The following DNM1 variants were observed in gnomAD, a reference collection of about 807,000 sequenced individuals.
DNM1 encodes the protein dynamin-1.
In DNM1, 29 loss-of-function variants were observed where a neutral mutation model predicts 104.6. The ratio of observed to expected loss-of-function variants is 0.28; its 90% CI spans 0.21 to 0.38. The LOEUF is 0.38. Among genes scored for constraint, DNM1 ranks in the 10% least tolerant of loss-of-function variants. The pLI, the probability that DNM1 is intolerant of heterozygous loss-of-function variation, is 1.00. For synonymous variants in DNM1, 445 were observed against 475.8 expected, an observed-to-expected ratio of 0.94 and a Z score of 0.84; for missense variants, 640 against 1,189.4, an observed-to-expected ratio of 0.54 and a Z score of 6.79.
Position 128,248,472 on chromosome 9 carries a change from C to T in DNM1, c.1906-111C>T. ...AGGTATGTATTCAGGCCAGTCGCTTCTCTCTGTGCCTCAATATTCTGGGTA... is the reference window on the plus strand; with the variant it reads ...AGGTATGTATTCAGGCCAGTCGCTTTTCTCTGTGCCTCAATATTCTGGGTA... On this transcript the variant is annotated intron_variant, in intron 18 of 21. Coordinates refer to ENST00000372923, the MANE Select transcript of DNM1 (RefSeq NM_004408.4). This position sits in a 1 kb window ranked among gnomAD's most constrained non-coding sequence, Gnocchi z 5.6. 1.5e-6 allele frequency: 2 copies of T among 1,307,614 alleles called. No homozygotes were observed. The highest frequency in any genetic ancestry group is 1.4e-5 in the South Asian group (1 of 71,738). 81.0% of individuals were successfully genotyped at this position (1,307,614 alleles called of 1,614,324 possible).
intron 10 of DNM1, 83 bp from the exon 11 acceptor site, chr9:128,233,938 G>A (rs545413137): frequency 6.6e-5 from 84 of 1,270,932 alleles, no homozygotes; most frequent in East Asian, 2.8e-4. Flanking sequence ...CCTGCGCCGC[G>A]GATCCCTGGA....
In DNM1 at chr9:128,235,299, G is replaced by T. The variant is rs560068329; in HGVS notation, c.1422+1192G>T. Among the ~76,000 whole-genome samples the T allele has an allele frequency of 4.6e-5, 7 of 152,122 alleles. No individual in the cohort carries two copies. The South Asian group carries it at 6.2e-4, about 14-fold the overall frequency. The stretch of plus-strand genomic sequence containing the variant: ...TCACGAGGTCAGGAGTTTGAGACCA[G>T]CCTGGCCAACATGGTGAAACCCCGT... On this transcript the variant is annotated intron_variant, in intron 11 of 21. Coordinates refer to ENST00000372923, the MANE Select transcript of DNM1 (RefSeq NM_004408.4).
At chr9:128,214,476 C>T (rs756731515) in intron 1 of DNM1, among the ~76,000 whole-genome samples, 117 of 152,192 alleles carry the variant, frequency 7.7e-4, no homozygotes, top group Non-Finnish European at 1.1e-3. Context: ...AAGCACGTTA[C>T]TTCCTGGGGT....
chr9:128,240,053 G>A lies in DNM1; in HGVS notation c.1557+57G>A, dbSNP rs375523356. On this transcript the variant is annotated intron_variant, in intron 14 of 21. Coordinates refer to ENST00000372923, the MANE Select transcript of DNM1 (RefSeq NM_004408.4). This position sits in a 1 kb window ranked among gnomAD's most constrained non-coding sequence, Gnocchi z 5.1. Reference sequence around the variant, plus strand: ...GTAGTGAGGGGGCGGAGGGTCCATCGGCAGTGGGGATCTGCAACGGGTAGG... The same window carrying A: ...GTAGTGAGGGGGCGGAGGGTCCATCAGCAGTGGGGATCTGCAACGGGTAGG... 2.1e-4 allele frequency: 329 copies of A among 1,603,206 alleles called. 2 individuals are homozygous for A. In the African/African-American group the frequency reaches 3.9e-3, roughly 19 times the overall value.
In DNM1 at chr9:128,242,393, G is replaced by A; in HGVS notation, c.1671+48G>A. The A allele has an allele frequency of 3.7e-6, 4 of 1,082,346 alleles. No individual in the cohort carries two copies. In the South Asian group the frequency reaches 5.0e-5, roughly 14 times the overall value. The allele number at this position is 1,082,346 out of a possible 1,614,324, so 67.0% of individuals were successfully genotyped here. On this transcript the variant is annotated intron_variant, in intron 15 of 21. Transcript: ENST00000372923. ...TCAAGGGGCTGGGCTGGTGGACAGA[G>A]TCAGGCTCAGACCCTCCCATGGGCT... is the stretch of plus-strand genomic sequence containing the variant.
At chr9:128,249,860 A>G (rs1829408030) in intron 19 of DNM1, among the ~76,000 whole-genome samples, 1 of 149,184 alleles carries the variant, frequency 6.7e-6, no homozygotes, top group Non-Finnish European at 1.5e-5. Flanking sequence ...TGAGTAGACA[A>G]GAGTTCTGGT....
chr9:128,216,392 A>G (rs771185606), intron 1 of DNM1, among the ~76,000 whole-genome samples: 1 of 152,178 alleles, frequency 6.6e-6, no homozygotes, highest in African/African-American at 2.4e-5. Flanking sequence ...CTGTAAAATG[A>G]TAATCTCTAT....
In DNM1 at chr9:128,224,236, G is replaced by A. The variant is rs534677463; in HGVS notation, c.1197-15G>A. The A allele has an allele frequency of 1.7e-5, 27 of 1,610,970 alleles. No homozygotes were observed. Among genetic ancestry groups the A allele is most frequent in the East Asian group, 4.5e-5 (2 of 44,832 alleles). On this transcript the variant is annotated splice_polypyrimidine_tract_variant and intron_variant, in intron 9 of 21. Transcript: ENST00000372923. This position sits in a 1 kb window ranked among gnomAD's most constrained non-coding sequence, Gnocchi z 4.3. The stretch of plus-strand genomic sequence containing the variant: ...GCCTGTGACACTCTGCCCTTCTCCC[G>A]CTCCGGGCGTTCAGAACGGGGCTGT...
intron 6 of DNM1, among the ~76,000 whole-genome samples, chr9:128,221,926 A>G (rs1052180491): frequency 6.6e-6 from 1 of 152,210 alleles, no homozygotes; most frequent in Non-Finnish European, 1.5e-5. Flanking sequence ...AAATAAAAAT[A>G]AAAAGATTAA....
Position 128,218,716 on chromosome 9 carries a change from G to A in DNM1, c.370G>A (p.Val124Ile). ...GISPVPINLR[V>I]YSPHVLNLTL... ...CTCGCCGGTGCCTATCAACCTCCGC[G>A]TCTACTCGCCGCACGGTGAGGACCC... The change falls in exon 3 of 22, where the codon GTC (valine) becomes ATC (isoleucine). Residue 124 changes from valine (V) to isoleucine (I), a missense_variant. Around this residue, in one of 7 missense-constraint regions of DNM1, gnomAD observed 172 missense variants for 335.3 expected, o/e 0.51. Coordinates refer to ENST00000372923, the MANE Select transcript of DNM1 (RefSeq NM_004408.4). This position sits in a 1 kb window ranked among gnomAD's most constrained non-coding sequence, Gnocchi z 4.8. 6.2e-7 allele frequency: 1 copy of A among 1,603,426 alleles called. No individual in the cohort carries two copies. Among genetic ancestry groups the A allele is most frequent in the Non-Finnish European group, 8.5e-7 (1 of 1,172,252 alleles).
Position 128,250,806 on chromosome 9 carries a change from T to C in DNM1, c.2400T>C (p.Pro800=). 7.5e-7 allele frequency: 1 copy of C among 1,340,536 alleles called. No individual in the cohort carries two copies. Among genetic ancestry groups the C allele is most frequent in the Non-Finnish European group, 9.5e-7 (1 of 1,057,026 alleles). 83.0% of individuals were successfully genotyped at this position (1,340,536 alleles called of 1,614,324 possible). A position where few individuals can be genotyped will look rare whatever the true frequency, so the allele number is the denominator to read the frequency against. The change falls in exon 21 of 22, where the codon CCT becomes CCC. Residue 800 remains proline, a synonymous_variant. Coordinates refer to ENST00000372923, the MANE Select transcript of DNM1 (RefSeq NM_004408.4). ...GGCCCGGGTCGCGGGGCCCTGCTCCTGGGCCTCCGCCTGCTGGGTCCGCCC... is the reference window on the plus strand; with the variant it reads ...GGCCCGGGTCGCGGGGCCCTGCTCCCGGGCCTCCGCCTGCTGGGTCCGCCC... ...PARPGSRGPA[P]GPPPAGSALG...
intron 12 of DNM1, 53 bp from the exon 13 acceptor site, chr9:128,239,675 G>A: frequency 1.3e-6 from 2 of 1,569,516 alleles, no homozygotes; most frequent in South Asian, 2.3e-5. Context: ...GCAGTGGGCA[G>A]TAGAGCTGGG....
At chr9:128,215,606 C>G (rs1001894366) in intron 1 of DNM1, among the ~76,000 whole-genome samples, 3 of 152,238 alleles carry the variant, frequency 2.0e-5, no homozygotes, top group Non-Finnish European at 4.4e-5. Flanking sequence ...GGCCCAGACC[C>G]TGACCACCCA....
rs1829756907 is a variant in DNM1, at chr9:128,254,855, T to C, written c.*141T>C. On this transcript the variant is annotated 3_prime_UTR_variant, in exon 22 of 22. Transcript: ENST00000372923. This position sits in a 1 kb window ranked among gnomAD's most constrained non-coding sequence, Gnocchi z 6.1. ...TCTGTTGTAGTGGTGAGCTGATACA[T>C]TCAGGTGTGACCGTTGGTGAAAACT... 4 of 711,446 alleles carry C rather than the reference T, an allele frequency of 5.6e-6. No homozygotes were observed. The highest frequency in any genetic ancestry group is 9.6e-6 in the Non-Finnish European group (4 of 417,290). 44.1% of individuals were successfully genotyped at this position (711,446 alleles called of 1,614,324 possible).
chr9:128,247,495 C>G lies in DNM1; in HGVS notation c.1893+9C>G. The G allele has an allele frequency of 6.3e-7, 1 of 1,596,110 alleles. No individual in the cohort carries two copies. On this transcript the variant is annotated intron_variant, in intron 17 of 21. Coordinates refer to ENST00000372923, the MANE Select transcript of DNM1 (RefSeq NM_004408.4). The surrounding 1 kb of genome is among the most constrained non-coding windows in gnomAD (Gnocchi z 5.1). ...ACCCTGAGCGTGTTGGGGTGAGTGG[C>G]AGGGCAAGGAGAGGAAGGGCAAGCA...
chr9:128,212,962 AT>A (rs1481103915), intron 1 of DNM1, among the ~76,000 whole-genome samples: 2 of 152,228 alleles, frequency 1.3e-5, no homozygotes, highest in East Asian at 3.8e-4. Flanking sequence ...ACAGTCAGCA[AT>A]TCATCAGTGT....
At chr9:128,210,071 G>A (rs975664328) in intron 1 of DNM1, among the ~76,000 whole-genome samples, 2 of 151,800 alleles carry the variant, frequency 1.3e-5, no homozygotes, top group Non-Finnish European at 1.5e-5. Context: ...TGTAAGACAG[G>A]ATCTCACTCT....
chr9:128,217,374 G>T (rs1434279333), intron 1 of DNM1, among the ~76,000 whole-genome samples: 1 of 152,156 alleles, frequency 6.6e-6, no homozygotes, highest in Admixed American at 6.5e-5. Context: ...CCCACTAAGC[G>T]CCTGGCATGC....
rs1161072247 is a variant in DNM1, at chr9:128,220,716, C to T, written c.849+375C>T. ...CTTTTCTCCATCTGGAATGGGGCAT[C>T]CAGAACTGAAGTGCGCGCGCGCGCG... is the stretch of plus-strand genomic sequence containing the variant. On this transcript the variant is annotated intron_variant, in intron 6 of 21. Coordinates refer to ENST00000372923, the MANE Select transcript of DNM1 (RefSeq NM_004408.4). The surrounding 1 kb of genome is among the most constrained non-coding windows in gnomAD (Gnocchi z 5.2). 7.2e-6 allele frequency among the ~76,000 whole-genome samples: 1 copy of T among 138,426 alleles called. No homozygotes were observed. Among genetic ancestry groups the T allele is most frequent in the Non-Finnish European group, 1.6e-5 (1 of 62,942 alleles). The allele number at this position is 138,426 out of a possible 152,430, so 90.8% of individuals were successfully genotyped here.
Sources: allele counts gnomAD v4.1 joint callset (sites outside exome capture counted in the v4.1 genomes callset), GRCh38; gene constraint gnomAD v4.1.1; regional missense constraint gnomAD v4.1.1; non-coding constraint Gnocchi (gnomAD v3.1); transcripts MANE v1.5; gene names NCBI Gene and HGNC (gene_info 2026-07-23, HGNC 2026-07-21).